Variants in COL6A3 observed in about 807,000 individuals in gnomAD.
COL6A3 encodes collagen alpha-3(VI) chain.
In COL6A3, 137 loss-of-function variants were observed where a neutral mutation model predicts 274.1. That is an observed-to-expected ratio of 0.50 (90% CI 0.44 to 0.58). The LOEUF (loss-of-function observed/expected upper bound fraction) is 0.58. Ranked by LOEUF, COL6A3 falls within the 20% of genes least tolerant of loss-of-function variation. The pLI, the probability that COL6A3 is intolerant of heterozygous loss-of-function variation, is 0.00. For missense variants in COL6A3, 3,950 were observed against 4,124.9 expected (o/e 0.96, Z 1.16); for synonymous variants, 1,650 against 1,650.6 (o/e 1.00, Z 0.01).
At chr2:237,402,134 C>T (rs905797985) in intron 1 of COL6A3, among the ~76,000 whole-genome samples, 33 of 152,086 alleles carry the variant, frequency 2.2e-4, no homozygotes, top group Non-Finnish European at 2.9e-5. Context: ...AAGACAAATG[C>T]ATTACTTTAT....
chr2:237,390,602 G>A (rs2078263627), intron 3 of COL6A3, among the ~76,000 whole-genome samples: 1 of 152,182 alleles, frequency 6.6e-6, no homozygotes, highest in African/African-American at 2.4e-5. Flanking sequence ...GTTTTCTACA[G>A]AAAAGTTTTA....
In COL6A3 at chr2:237,403,249, G is replaced by A. The variant is rs536730425; in HGVS notation, c.-30-6402C>T. Among the ~76,000 whole-genome samples, 11 of 152,230 alleles carry A rather than the reference G, an allele frequency of 7.2e-5. No individual in the cohort carries two copies. The South Asian group carries it at 8.3e-4, about 11-fold the overall frequency. ...CTTGCGGCCCAGCTATGAGGAAGAC[G>A]GAACACAGTGTGGGCCCTAGGCCTG... On this transcript the variant is annotated intron_variant, in intron 1 of 43. Coordinates refer to ENST00000295550, the MANE Select transcript of COL6A3 (RefSeq NM_004369.4).
chr2:237,369,650 A>C (rs2077638232), intron 9 of COL6A3, among the ~76,000 whole-genome samples: 1 of 152,208 alleles, frequency 6.6e-6, no homozygotes, highest in Non-Finnish European at 1.5e-5. Flanking sequence ...TGAGGAGCCC[A>C]ACACCATCCC....
In COL6A3 at chr2:237,407,346, G is replaced by A. The variant is rs1241153919; in HGVS notation, c.-31+6607C>T. 6.6e-6 allele frequency among the ~76,000 whole-genome samples: 1 copy of A among 152,180 alleles called. No individual in the cohort carries two copies. The highest frequency in any genetic ancestry group is 1.5e-5 in the Non-Finnish European group (1 of 68,028). Reference sequence around the variant, plus strand: ...AACTAGACCTCCTTTGTCACCTACTGGGGTCCTTTGTCACTTACGGGGGTC... The same window carrying A: ...AACTAGACCTCCTTTGTCACCTACTAGGGTCCTTTGTCACTTACGGGGGTC... On this transcript the variant is annotated intron_variant, in intron 1 of 43. Transcript: ENST00000295550. The surrounding 1 kb of genome is among the most constrained non-coding windows in gnomAD (Gnocchi z 4.3).
Position 237,341,929 on chromosome 2 carries a change from CTG to C in COL6A3, c.7765+134_7765+135del, listed in dbSNP as rs1481627431. The stretch of plus-strand genomic sequence containing the variant: ...AGAAACTGCTGCAGTAGTATTTACT[CTG>C]GTAAATACGAGGCTTTGTGAATCAA... On this transcript the variant is annotated intron_variant, in intron 37 of 43. Coordinates refer to ENST00000295550, the MANE Select transcript of COL6A3 (RefSeq NM_004369.4). 3 of 756,760 alleles carry C rather than the reference CTG, an allele frequency of 4.0e-6. No homozygotes were observed. The African/African-American group carries it at 5.2e-5, about 13-fold the overall frequency. The allele number at this position is 756,760 out of a possible 1,614,324, so 46.9% of individuals were successfully genotyped here.
In COL6A3 at chr2:237,340,646, C is replaced by T; in HGVS notation, c.8270G>A (p.Arg2757Lys). 1 of 1,614,242 alleles carries T rather than the reference C, an allele frequency of 6.2e-7. No individual in the cohort carries two copies. The highest frequency in any genetic ancestry group is 8.5e-7 in the Non-Finnish European group (1 of 1,180,036). Residue 2757 changes from arginine (R) to lysine (K), a missense_variant, in exon 38 of 44, where the codon AGA (arginine) becomes AAA (lysine). Arg to Lys is a conservative substitution (Grantham distance 26). Around this residue, in one of 5 missense-constraint regions of COL6A3, gnomAD observed 1,284 missense variants for 1,349.7 expected, o/e 0.95. Coordinates refer to ENST00000295550, the MANE Select transcript of COL6A3 (RefSeq NM_004369.4). Reference sequence around the variant, plus strand: ...CTTGCATTTGGCCTGCAGGATGACTCTCTGGGCCTCCTCCAGCTGCTGCTC... The same window carrying T: ...CTTGCATTTGGCCTGCAGGATGACTTTCTGGGCCTCCTCCAGCTGCTGCTC... ...VPEQQLEEAQ[R>K]VILQAKCKGY...
chr2:237,372,206 C>T lies in COL6A3; in HGVS notation c.3811G>A (p.Val1271Met). ...YLDVGFDTTRVAVIQFSDDPK... is the reference protein window; with the variant it reads ...YLDVGFDTTRMAVIQFSDDPK... ...TCATCGCTGAACTGGATGACAGCCA[C>T]CCGGGTGGTGTCAAAGCCCACGTCC... Residue 1271 changes from valine to methionine, a missense_variant, in exon 9 of 44, where the codon GTG becomes ATG. Val to Met is a conservative substitution (Grantham distance 21). Around this residue, in one of 5 missense-constraint regions of COL6A3, gnomAD observed 1,934 missense variants for 1,984.3 expected, o/e 0.97. Transcript: ENST00000295550. 1 of 1,614,138 alleles carries T rather than the reference C, an allele frequency of 6.2e-7. No individual in the cohort carries two copies. Among genetic ancestry groups the T allele is most frequent in the Middle Eastern group, 1.6e-4 (1 of 6,062 alleles).
In COL6A3 at chr2:237,374,472, G is replaced by T. The variant is rs886042393; in HGVS notation, c.3619C>A (p.Gln1207Lys). Reference sequence around the variant, plus strand: ...CTGCTCAGCTCCTCGCGGGTGAGCTGGGTCACCCTCTCAGAGATGACCTGT... The same window carrying T: ...CTGCTCAGCTCCTCGCGGGTGAGCTTGGTCACCCTCTCAGAGATGACCTGT... The part of the protein sequence containing the change: ...VQQVISERVT[Q>K]LTREELSRLQ... Residue 1207 changes from glutamine (Q) to lysine (K), a missense_variant, in exon 8 of 44, where the codon CAG (glutamine) becomes AAG (lysine). Physicochemically the swap from Gln to Lys is moderately conservative, Grantham distance 53 (BLOSUM62 1). Around this residue, in one of 5 missense-constraint regions of COL6A3, gnomAD observed 1,934 missense variants for 1,984.3 expected, o/e 0.97. Coordinates refer to ENST00000295550, the MANE Select transcript of COL6A3 (RefSeq NM_004369.4). This position sits in a 1 kb window ranked among gnomAD's most constrained non-coding sequence, Gnocchi z 4.8. The T allele has an allele frequency of 9.9e-6, 16 of 1,613,910 alleles. No individual in the cohort carries two copies. The highest frequency in any genetic ancestry group is 1.6e-4 in the Middle Eastern group (1 of 6,084).
Position 237,324,705 on chromosome 2 carries a change from C to A in COL6A3, c.*69G>T, listed in dbSNP as rs1476950900. ...GCAAGGGAATCTACACCCGGAGCTT[C>A]TACAGAGACAAGTTGGCGATGGCTG... On this transcript the variant is annotated 3_prime_UTR_variant, in exon 44 of 44. Coordinates refer to ENST00000295550, the MANE Select transcript of COL6A3 (RefSeq NM_004369.4). 2 of 1,479,978 alleles carry A rather than the reference C, an allele frequency of 1.4e-6. No homozygotes were observed. Among genetic ancestry groups the A allele is most frequent in the South Asian group, 1.1e-5 (1 of 88,122 alleles). The allele number at this position is 1,479,978 out of a possible 1,614,324, so 91.7% of individuals were successfully genotyped here.
rs1574991145 is a variant in COL6A3, at chr2:237,367,237, G to C, written c.4950C>G (p.Phe1650Leu). The C allele has an allele frequency of 6.2e-7, 1 of 1,613,912 alleles. No homozygotes were observed. Among genetic ancestry groups the C allele is most frequent in the South Asian group, 1.1e-5 (1 of 91,052 alleles). Residue 1650 changes from phenylalanine to leucine, a missense_variant, in exon 11 of 44, where the codon TTC (phenylalanine) becomes TTG (leucine). Transcript: ENST00000295550. ...GCACTTCCTGGAAACTGTCCCTCCT[G>C]AAGTTGATGGAACCATCCAACAGGA... ...IVFLLDGSIN[F>L]RRDSFQEVLR...
chr2:237,390,244 T>C (rs963487665), intron 3 of COL6A3, among the ~76,000 whole-genome samples: 8 of 152,356 alleles, frequency 5.3e-5, no homozygotes, highest in African/African-American at 1.7e-4. Flanking sequence ...AAATTTATAG[T>C]CATGCAAATA....
intron 42 of COL6A3, chr2:237,327,142 G>A (rs1405735744): frequency 6.6e-6 from 1 of 152,234 alleles, no homozygotes. Context: ...GTCAAGGAAG[G>A]TCCTGGAGAG....
chr2:237,364,403 G>C lies in COL6A3; in HGVS notation c.5864C>G (p.Ala1955Gly). The C allele has an allele frequency of 6.2e-7, 1 of 1,613,890 alleles. No homozygotes were observed. The highest frequency in any genetic ancestry group is 8.5e-7 in the Non-Finnish European group (1 of 1,179,878). The change falls in exon 13 of 44, where the codon GCA becomes GGA. Residue 1955 changes from alanine to glycine, a missense_variant. Ala to Gly is a moderately conservative substitution (Grantham distance 60). Around this residue, in one of 5 missense-constraint regions of COL6A3, gnomAD observed 632 missense variants for 623.4 expected, o/e 1.01. Transcript: ENST00000295550. This position sits in a 1 kb window ranked among gnomAD's most constrained non-coding sequence, Gnocchi z 4.6. Reference protein sequence around the residue: ...VKVVIHFTDGADGDLADLHRA... With the variant: ...VKVVIHFTDGGDGDLADLHRA... Reference sequence around the variant, plus strand: ...GTGTAAATCAGCCAGATCTCCGTCTGCTCCATCAGTAAAATGAATGACCAC... The same window carrying C: ...GTGTAAATCAGCCAGATCTCCGTCTCCTCCATCAGTAAAATGAATGACCAC...
intron 12 of COL6A3, 100 bp downstream of exon 12, chr2:237,365,598 G>A: frequency 2.9e-6 from 3 of 1,041,588 alleles, no homozygotes; most frequent in Non-Finnish European, 4.5e-6. Flanking sequence ...ACAATCCAGT[G>A]AAACATGAAG....
In COL6A3 at chr2:237,394,673, T is replaced by C; in HGVS notation, c.623A>G (p.Asp208Gly). ...ACAGGACACTAAGTTTCCTACTATG[T>C]CATGAAGTGAGGTAAAATTCTCTAG... is the stretch of plus-strand genomic sequence containing the variant. ...FNLENFTSLH[D>G]IVGNLVSCVH... Residue 208 changes from aspartate (D) to glycine (G), a missense_variant, in exon 3 of 44, where the codon GAC becomes GGC. Physicochemically the swap from Asp to Gly is moderately conservative, Grantham distance 94 (BLOSUM62 -1). Transcript: ENST00000295550. 6.2e-7 allele frequency: 1 copy of C among 1,614,248 alleles called. No homozygotes were observed. Among genetic ancestry groups the C allele is most frequent in the Non-Finnish European group, 8.5e-7 (1 of 1,180,046 alleles).
intron 7 of COL6A3, among the ~76,000 whole-genome samples, chr2:237,375,662 C>G (rs918421399): frequency 6.6e-6 from 1 of 152,164 alleles, no homozygotes; most frequent in African/African-American, 2.4e-5. Context: ...TCTGCCTCAG[C>G]CTCCAGAGTA....
At chr2:237,332,012 G>A (rs1700252797) in intron 42 of COL6A3, among the ~76,000 whole-genome samples, 1 of 129,522 alleles carries the variant, frequency 7.7e-6, no homozygotes. Flanking sequence ...TGGATCAAAA[G>A]CACCTTCTTA....
In COL6A3 at chr2:237,378,778, C is replaced by G; in HGVS notation, c.2355G>C (p.Glu785Asp). 6.2e-7 allele frequency: 1 copy of G among 1,614,238 alleles called. No individual in the cohort carries two copies. Among genetic ancestry groups the G allele is most frequent in the Non-Finnish European group, 8.5e-7 (1 of 1,180,044 alleles). Residue 785 changes from glutamate to aspartate, a missense_variant, in exon 6 of 44, where the codon GAG becomes GAC. Glu to Asp is a conservative substitution (Grantham distance 45). Transcript: ENST00000295550. ...CVGASQANKAELEQIAFNPSL... is the reference protein window; with the variant it reads ...CVGASQANKADLEQIAFNPSL... ...TTGGGTTAAAAGCAATCTGCTCAAG[C>G]TCTGCCTTATTCGCCTGGCTAGCTC...
chr2:237,330,379 C>T (rs1430473736), intron 42 of COL6A3, among the ~76,000 whole-genome samples: 1 of 152,234 alleles, frequency 6.6e-6, no homozygotes, highest in Admixed American at 6.5e-5. Flanking sequence ...CTGCTGCTCA[C>T]TGCCATTTAC....
Sources: gnomAD v4.1 joint callset for allele counts (sites outside exome capture counted in the v4.1 genomes callset) on GRCh38, gnomAD v4.1.1 for gene constraint, gnomAD v4.1.1 regional missense constraint, Gnocchi (gnomAD v3.1) non-coding constraint, MANE v1.5 for transcripts, NCBI Gene and HGNC (gene_info 2026-07-23, HGNC 2026-07-21) for gene names.